GALNTL6: variants seen among roughly 807,000 people sequenced by gnomAD.
The protein encoded by GALNTL6 is polypeptide N-acetylgalactosaminyltransferase like 6, also known as polypeptide N-acetylgalactosaminyltransferase-like 6.
A neutral mutation model predicts 73.7 loss-of-function variants in GALNTL6; 46 were observed. That is an observed-to-expected ratio of 0.62 (90% CI 0.49 to 0.80). The LOEUF (loss-of-function observed/expected upper bound fraction) is 0.80, where lower values mean the gene tolerates loss of function less well. GALNTL6 is among the 30% of genes least tolerant of loss of function. The probability of loss-of-function intolerance (pLI) is 0.00; values close to 1 mark genes in which losing one functional copy is unlikely to be tolerated. For synonymous variants in GALNTL6, 259 were observed against 263.7 expected (o/e 0.98, Z 0.17); for missense variants, 604 against 755.0 (o/e 0.80, Z 2.34).
intron 2 of GALNTL6, among the ~76,000 whole-genome samples, chr4:171,996,238 G>A (rs1008651078): frequency 1.3e-5 from 2 of 152,054 alleles, no homozygotes; most frequent in Non-Finnish European, 2.9e-5. Flanking sequence ...TCTGTAAAGT[G>A]AAAGCAATTT....
intron 2 of GALNTL6, among the ~76,000 whole-genome samples, chr4:171,819,899 T>A (rs746846852): frequency 6.6e-6 from 1 of 152,172 alleles, no homozygotes; most frequent in Non-Finnish European, 1.5e-5. Context: ...TTGCTCATAT[T>A]TGCATGTGTT....
At chr4:172,385,036 T>G (rs1262473146) in intron 5 of GALNTL6, among the ~76,000 whole-genome samples, 17 of 151,340 alleles carry the variant, frequency 1.1e-4, no homozygotes, top group Admixed American at 3.3e-4. Context: ...TTGTTTTTTT[T>G]TTTTTACCCA....
chr4:172,824,273 T>C (rs1441241284), intron 7 of GALNTL6, among the ~76,000 whole-genome samples: 1 of 152,108 alleles, frequency 6.6e-6, no homozygotes, highest in Non-Finnish European at 1.5e-5. Context: ...AATTACTCTC[T>C]AGTCCTGAAT....
intron 5 of GALNTL6, among the ~76,000 whole-genome samples, chr4:172,401,659 C>T (rs558542318): frequency 6.6e-6 from 1 of 152,072 alleles, no homozygotes; most frequent in African/African-American, 2.4e-5. Flanking sequence ...TTTAAGTATA[C>T]ACATACTATT....
At chr4:172,083,538 T>C (rs577656314) in intron 2 of GALNTL6, among the ~76,000 whole-genome samples, 6 of 152,320 alleles carry the variant, frequency 3.9e-5, no homozygotes, top group Admixed American at 1.3e-4. Flanking sequence ...CTACCAGAAA[T>C]AGAATTCCCT....
At chr4:171,973,029 T>C (rs1414562587) in intron 2 of GALNTL6, among the ~76,000 whole-genome samples, 5 of 152,292 alleles carry the variant, frequency 3.3e-5, no homozygotes, top group East Asian at 1.9e-4. Flanking sequence ...TATTAAAGAG[T>C]ATTCTATTTT....
At chr4:172,049,674 A>G (rs1230440466) in intron 2 of GALNTL6, among the ~76,000 whole-genome samples, 1 of 152,160 alleles carries the variant, frequency 6.6e-6, no homozygotes, top group Non-Finnish European at 1.5e-5. Flanking sequence ...AAGGTAATGT[A>G]AGTATTTCTA....
chr4:172,245,604 C>G, intron 3 of GALNTL6, among the ~76,000 whole-genome samples: 1 of 152,138 alleles, frequency 6.6e-6, no homozygotes, highest in East Asian at 1.9e-4. Context: ...GTGATTCATT[C>G]AAGCCCAGAT....
chr4:172,612,603 G>A (rs1177630708), intron 5 of GALNTL6, among the ~76,000 whole-genome samples: 1 of 151,978 alleles, frequency 6.6e-6, no homozygotes, highest in Non-Finnish European at 1.5e-5. Flanking sequence ...CATTTTTTCA[G>A]CCCTATGAGA....
chr4:171,963,068 CTT>C (rs35330466), intron 2 of GALNTL6, among the ~76,000 whole-genome samples: 292 of 143,378 alleles, frequency 2.0e-3, no homozygotes, highest in Non-Finnish European at 2.8e-3. Flanking sequence ...GCCCAACCTA[CTT>C]TTTTTTTTTT....
intron 2 of GALNTL6, among the ~76,000 whole-genome samples, chr4:172,033,149 A>C (rs1741820152): frequency 6.6e-6 from 1 of 151,770 alleles, no homozygotes; most frequent in Non-Finnish European, 1.5e-5. Flanking sequence ...GCTGTTCCAA[A>C]CAACTTTATT....
intron 2 of GALNTL6, among the ~76,000 whole-genome samples, chr4:171,991,462 T>A (rs1181691916): frequency 6.6e-6 from 1 of 151,900 alleles, no homozygotes; most frequent in African/African-American, 2.4e-5. Flanking sequence ...TATACAAAAA[T>A]AGTCAAGAGA....
intron 5 of GALNTL6, among the ~76,000 whole-genome samples, chr4:172,425,549 C>G (rs1731197277): frequency 6.6e-6 from 1 of 152,020 alleles, no homozygotes; most frequent in Admixed American, 6.6e-5. Context: ...TTGAGATACT[C>G]CAAATTTTAT....
intron 5 of GALNTL6, among the ~76,000 whole-genome samples, chr4:172,602,278 G>C (rs1230624709): frequency 6.6e-6 from 1 of 152,124 alleles, no homozygotes; most frequent in Non-Finnish European, 1.5e-5. Flanking sequence ...AAGTGAAGAA[G>C]ATAGGGAATC....
intron 2 of GALNTL6, among the ~76,000 whole-genome samples, chr4:172,173,203 C>T (rs979418489): frequency 3.0e-4 from 46 of 152,268 alleles, no homozygotes; most frequent in African/African-American, 9.9e-4. Context: ...AGCACATTAT[C>T]GGGGCAACAT....
chr4:172,525,687 C>A (rs988324196), intron 5 of GALNTL6, among the ~76,000 whole-genome samples: 3 of 151,984 alleles, frequency 2.0e-5, no homozygotes, highest in South Asian at 2.1e-4. Flanking sequence ...AAAAGTGAGA[C>A]CCTCATTATA....
chr4:172,858,432 G>A lies in GALNTL6; in HGVS notation c.924-24358G>A, dbSNP rs1453594326. ...GGGGTTGAAGGAGTTATTTTCAATA[G>A]GGAAGTCAGAAATTCTTCTCTCATA... On this transcript the variant is annotated intron_variant, in intron 7 of 12. Transcript: ENST00000506823. Among the ~76,000 whole-genome samples the A allele has an allele frequency of 2.6e-5, 4 of 152,150 alleles. No homozygotes were observed. The East Asian group carries it at 5.8e-4, about 22-fold the overall frequency.
chr4:172,105,158 T>C (rs1431437060), intron 2 of GALNTL6, among the ~76,000 whole-genome samples: 1 of 151,938 alleles, frequency 6.6e-6, no homozygotes, highest in African/African-American at 2.4e-5. Context: ...AACAAATTTA[T>C]AAAAACAATT....
intron 8 of GALNTL6, among the ~76,000 whole-genome samples, chr4:172,921,749 C>T (rs137879205): frequency 7.0e-4 from 105 of 149,414 alleles, no homozygotes; most frequent in African/African-American, 1.4e-3. Context: ...GAGCCATGAT[C>T]GCTCACTGCA....
Sources: allele counts gnomAD v4.1 joint callset (sites outside exome capture counted in the v4.1 genomes callset), GRCh38; gene constraint gnomAD v4.1.1; transcripts MANE v1.5; gene names NCBI Gene and HGNC (gene_info 2026-07-23, HGNC 2026-07-21).